SPOCK3: variants seen among roughly 807,000 people sequenced by gnomAD.
SPOCK3 encodes the protein testican-3.
Under a neutral mutation model 56.6 loss-of-function variants are expected in SPOCK3, and 30 were observed. The observed-to-expected ratio is 0.53, with a 90% CI of 0.40 to 0.72. The LOEUF (loss-of-function observed/expected upper bound fraction) is 0.72, where lower values mean the gene tolerates loss of function less well. Ranked by LOEUF, SPOCK3 falls within the 30% of genes least tolerant of loss-of-function variation. The probability of loss-of-function intolerance (pLI) is 0.00; values close to 1 mark genes in which losing one functional copy is unlikely to be tolerated. For missense variants in SPOCK3, 527 were observed against 530.0 expected, an observed-to-expected ratio of 0.99 and a Z score of 0.06; for synonymous variants, 196 against 183.3, an observed-to-expected ratio of 1.07 and a Z score of -0.56.
chr4:167,219,455 A>G (rs950867145), intron 2 of SPOCK3, among the ~76,000 whole-genome samples: 4 of 152,208 alleles, frequency 2.6e-5, no homozygotes, highest in Non-Finnish European at 5.9e-5. Context: ...TCAAATTACT[A>G]TTTTTAGGAG....
At chr4:166,873,218 A>C (rs1732676285) in intron 6 of SPOCK3, among the ~76,000 whole-genome samples, 1 of 152,054 alleles carries the variant, frequency 6.6e-6, no homozygotes, top group Non-Finnish European at 1.5e-5. Context: ...AAAAAAAAAA[A>C]AAAACATCAG....
intron 2 of SPOCK3, among the ~76,000 whole-genome samples, chr4:167,076,795 A>T (rs1757222127): frequency 6.6e-6 from 1 of 151,928 alleles, no homozygotes; most frequent in Non-Finnish European, 1.5e-5. Context: ...ACAATAATGT[A>T]TAACAAGAAA....
intron 6 of SPOCK3, among the ~76,000 whole-genome samples, chr4:166,842,698 T>C (rs968649922): frequency 3.3e-5 from 5 of 152,192 alleles, no homozygotes; most frequent in African/African-American, 9.6e-5. Context: ...AGAGTGCTGA[T>C]TGGTGCATAT....
At chr4:167,193,517 T>C (rs1487560052) in intron 2 of SPOCK3, among the ~76,000 whole-genome samples, 1 of 146,002 alleles carries the variant, frequency 6.8e-6, no homozygotes, top group Admixed American at 7.0e-5. Flanking sequence ...ACTTTTGCCT[T>C]TTAACTTTTT....
intron 3 of SPOCK3, among the ~76,000 whole-genome samples, chr4:167,020,504 G>A (rs1463088808): frequency 6.6e-6 from 1 of 151,970 alleles, no homozygotes; most frequent in Non-Finnish European, 1.5e-5. Context: ...AATGAACTAA[G>A]GCTCTTATGT....
chr4:167,109,393 A>ATATTTATATATAAATATATATATAAATG (rs1561225317), intron 2 of SPOCK3, among the ~76,000 whole-genome samples: 11 of 92,022 alleles, frequency 1.2e-4, no homozygotes, highest in South Asian at 3.1e-4. Flanking sequence ...ATATATAAAT[A>ATATTTATATATAAATATATATATAAATG]TATATTTATA....
chr4:167,156,171 G>A (rs184240311), intron 2 of SPOCK3, among the ~76,000 whole-genome samples: 198 of 152,218 alleles, frequency 1.3e-3, no homozygotes, highest in African/African-American at 4.4e-3. Flanking sequence ...TCACAATTGT[G>A]TGTTCTGTTT....
At chr4:166,954,368 A>C (rs369707331) in intron 4 of SPOCK3, among the ~76,000 whole-genome samples, 4 of 152,264 alleles carry the variant, frequency 2.6e-5, no homozygotes, top group East Asian at 1.9e-4. Context: ...ATTCAAAACA[A>C]TTCTTGCCTA....
At chr4:166,745,212 GA>G (rs1455821708) in intron 8 of SPOCK3, among the ~76,000 whole-genome samples, 1 of 152,148 alleles carries the variant, frequency 6.6e-6, no homozygotes, top group Non-Finnish European at 1.5e-5. Context: ...GGAAATGAAG[GA>G]AAAAATGTTA....
chr4:167,226,475 G>A (rs2062381), intron 2 of SPOCK3, among the ~76,000 whole-genome samples: 4,773 of 152,228 alleles, frequency 0.031, 112 homozygotes, highest in Middle Eastern at 0.075. Context: ...AGAGGACACG[G>A]GGATGGAGAC....
intron 6 of SPOCK3, among the ~76,000 whole-genome samples, chr4:166,854,635 T>C (rs141493959): frequency 5.4e-4 from 82 of 152,332 alleles, no homozygotes; most frequent in African/African-American, 1.9e-3. Flanking sequence ...AAATATGTTA[T>C]CAAAATTATA....
At chr4:166,815,326 A>G (rs1421669101) in intron 6 of SPOCK3, among the ~76,000 whole-genome samples, 1 of 152,154 alleles carries the variant, frequency 6.6e-6, no homozygotes, top group Non-Finnish European at 1.5e-5. Flanking sequence ...GAATAAAAAA[A>G]TTATAATGGT....
At position 167,113,263 on chromosome 4, in the gene SPOCK3, A is replaced by G. The variant is rs549279249; in HGVS notation, c.190-50726T>C. ...ACTTAGATTCGTATTGAACAACTCT[A>G]TAAATCTTTTTCTACACAGTAACCT... On this transcript the variant is annotated intron_variant, in intron 2 of 10. Transcript: ENST00000357545. 3.9e-5 allele frequency among the ~76,000 whole-genome samples: 6 copies of G among 152,276 alleles called. No homozygotes were observed. In the South Asian group the frequency reaches 1.0e-3, roughly 26 times the overall value.
intron 3 of SPOCK3, among the ~76,000 whole-genome samples, chr4:167,012,332 T>C: frequency 6.6e-6 from 1 of 151,978 alleles, no homozygotes; most frequent in Non-Finnish European, 1.5e-5. Context: ...TATGTAAAAA[T>C]TCAGTTTTCC....
At chr4:166,997,208 C>T (rs749473722) in intron 4 of SPOCK3, among the ~76,000 whole-genome samples, 1 of 151,942 alleles carries the variant, frequency 6.6e-6, no homozygotes, top group Non-Finnish European at 1.5e-5. Context: ...ATTATGCATG[C>T]GGTGCTTAAT....
chr4:166,996,407 C>T (rs1359563988), intron 4 of SPOCK3, among the ~76,000 whole-genome samples: 3 of 152,226 alleles, frequency 2.0e-5, no homozygotes, highest in African/African-American at 7.2e-5. Context: ...GCTTCTTGTT[C>T]ACAATATACA....
intron 2 of SPOCK3, among the ~76,000 whole-genome samples, chr4:167,104,968 A>G (rs1759971415): frequency 6.6e-6 from 1 of 152,070 alleles, no homozygotes; most frequent in Non-Finnish European, 1.5e-5. Context: ...GAAAAGAAAA[A>G]CAACATCAAC....
chr4:167,087,968 C>A (rs540630113), intron 2 of SPOCK3, among the ~76,000 whole-genome samples: 1 of 151,456 alleles, frequency 6.6e-6, no homozygotes, highest in Admixed American at 6.6e-5. Context: ...GATAAGCAAA[C>A]GCTGATAACA....
intron 2 of SPOCK3, among the ~76,000 whole-genome samples, chr4:167,223,628 C>A (rs987065575): frequency 4.0e-5 from 6 of 151,812 alleles, no homozygotes; most frequent in Non-Finnish European, 8.8e-5. Context: ...GTTGCACATT[C>A]CATATGGGGA....
Sources: allele counts gnomAD v4.1 joint callset (sites outside exome capture counted in the v4.1 genomes callset), GRCh38; gene constraint gnomAD v4.1.1; transcripts MANE v1.5; gene names NCBI Gene and HGNC (gene_info 2026-07-23, HGNC 2026-07-21).